The following MACROD2 variants were observed in gnomAD, a reference collection of about 807,000 sequenced individuals.
The protein encoded by MACROD2 is mono-ADP ribosylhydrolase 2.
In MACROD2, 36 loss-of-function variants were observed where a neutral mutation model predicts 70.4. The ratio of observed to expected loss-of-function variants is 0.51; its 90% CI spans 0.39 to 0.68. The LOEUF (loss-of-function observed/expected upper bound fraction) is 0.68. Ranked by LOEUF, MACROD2 falls within the 30% of genes least tolerant of loss-of-function variation. The probability of loss-of-function intolerance (pLI) is 0.00; values close to 1 mark genes in which losing one functional copy is unlikely to be tolerated. For synonymous variants in MACROD2, 172 were observed against 178.8 expected (o/e 0.96, Z 0.30); for missense variants, 496 against 538.4 (o/e 0.92, Z 0.78).
chr20:14,074,758 T>G (rs2053895513), intron 2 of MACROD2, among the ~76,000 whole-genome samples: 1 of 152,194 alleles, frequency 6.6e-6, no homozygotes, highest in Admixed American at 6.5e-5. Context: ...TACAGTAGTC[T>G]CCCCTGATCC....
At chr20:14,436,381 T>C (rs1359648638) in intron 3 of MACROD2, among the ~76,000 whole-genome samples, 1 of 152,186 alleles carries the variant, frequency 6.6e-6, no homozygotes. Flanking sequence ...CTAACTTCTG[T>C]TTCATTTAAC....
intron 3 of MACROD2, among the ~76,000 whole-genome samples, chr20:14,303,414 C>T (rs2082493406): frequency 6.6e-6 from 1 of 152,172 alleles, no homozygotes; most frequent in Non-Finnish European, 1.5e-5. Flanking sequence ...CCCTTAGATC[C>T]TCTCTCTGGG....
intron 4 of MACROD2, among the ~76,000 whole-genome samples, chr20:14,625,330 A>C (rs1984081473): frequency 6.6e-6 from 1 of 152,130 alleles, no homozygotes; most frequent in African/African-American, 2.4e-5. Flanking sequence ...TCAGTCTCAA[A>C]AAAAAGAAGA....
rs1162801079 is a variant in MACROD2 at position 15,245,924 on chromosome 20, T to C, written c.540+15863T>C. The stretch of plus-strand genomic sequence containing the variant: ...ATGTTGTGAGCAAATTTAAAGACAC[T>C]GTGCTTTCAGACAAATTAAGAAGCA... On this transcript the variant is annotated intron_variant, in intron 6 of 17. Coordinates refer to ENST00000684519, the MANE Select transcript of MACROD2 (RefSeq NM_001351661.2). Among the ~76,000 whole-genome samples the C allele has an allele frequency of 2.0e-5, 3 of 152,222 alleles. No homozygotes were observed. The South Asian group carries it at 6.2e-4, about 32-fold the overall frequency.
chr20:15,989,552 G>A (rs2066530112), intron 15 of MACROD2, among the ~76,000 whole-genome samples: 1 of 151,984 alleles, frequency 6.6e-6, no homozygotes, highest in African/African-American at 2.4e-5. Flanking sequence ...ATCCACAAAA[G>A]AAAACTAGTA....
chr20:15,131,622 T>C (rs1455839560), intron 5 of MACROD2, among the ~76,000 whole-genome samples: 2 of 152,070 alleles, frequency 1.3e-5, no homozygotes, highest in Non-Finnish European at 2.9e-5. Context: ...AAAATTATTA[T>C]TAAAAATGTT....
At chr20:15,244,732 A>C (rs11905462) in intron 6 of MACROD2, among the ~76,000 whole-genome samples, 25,967 of 152,222 alleles carry the variant, frequency 0.17, 2,822 homozygotes, top group African/African-American at 0.31. Flanking sequence ...TTACCTAACT[A>C]AACCCTAGTA....
chr20:14,489,542 C>G (rs1483994423), intron 3 of MACROD2, among the ~76,000 whole-genome samples: 1 of 152,120 alleles, frequency 6.6e-6, no homozygotes, highest in African/African-American at 2.4e-5. Flanking sequence ...TTAAATAGAG[C>G]TCCTGGGGAA....
At chr20:15,415,694 G>A (rs6043264) in intron 6 of MACROD2, among the ~76,000 whole-genome samples, 8,416 of 152,120 alleles carry the variant, frequency 0.055, 732 homozygotes, top group African/African-American at 0.19. Flanking sequence ...AACTAGTGGC[G>A]GCTAAAAGTA....
At chr20:14,154,552 A>ATTTTTTTTTTTTTT (rs869299523) in intron 3 of MACROD2, among the ~76,000 whole-genome samples, 13 of 106,640 alleles carry the variant, frequency 1.2e-4, no homozygotes, top group South Asian at 3.1e-4. Context: ...CGCCCGGCTA[A>ATTTTTTTTTTTTTT]TTTTTTTTTT....
At chr20:15,897,338 T>A (rs1186717142) in intron 10 of MACROD2, among the ~76,000 whole-genome samples, 2 of 152,154 alleles carry the variant, frequency 1.3e-5, no homozygotes, top group African/African-American at 4.8e-5. Flanking sequence ...ATCTACTCAT[T>A]ACCTTTTGTG....
At chr20:14,305,788 T>C (rs778733991) in intron 3 of MACROD2, among the ~76,000 whole-genome samples, 3 of 152,146 alleles carry the variant, frequency 2.0e-5, no homozygotes, top group Admixed American at 2.0e-4. Flanking sequence ...GTATCTTTTT[T>C]CGTATCTCAG....
At chr20:15,876,428 A>G (rs1205451804) in intron 9 of MACROD2, among the ~76,000 whole-genome samples, 1 of 151,958 alleles carries the variant, frequency 6.6e-6, no homozygotes, top group East Asian at 1.9e-4. Context: ...CCATGTCCCT[A>G]CAAAGGACAT....
intron 3 of MACROD2, among the ~76,000 whole-genome samples, chr20:14,285,441 T>C (rs117160889): frequency 0.021 from 3,254 of 152,276 alleles, 35 homozygotes; most frequent in East Asian, 0.024. Flanking sequence ...TTCAGATTTT[T>C]AGATTTTTGG....
chr20:15,510,201 T>C (rs926563564), intron 8 of MACROD2, among the ~76,000 whole-genome samples: 1 of 152,216 alleles, frequency 6.6e-6, no homozygotes, highest in Non-Finnish European at 1.5e-5. Context: ...TGTGACATTT[T>C]TATAAATAGA....
At chr20:16,044,332 C>A (rs2067349059) in intron 16 of MACROD2, among the ~76,000 whole-genome samples, 1 of 152,022 alleles carries the variant, frequency 6.6e-6, no homozygotes, top group Admixed American at 6.6e-5. Flanking sequence ...CCAGGCCCCA[C>A]CTCCAACATT....
chr20:15,173,878 G>A (rs2076440609), intron 5 of MACROD2, among the ~76,000 whole-genome samples: 2 of 152,230 alleles, frequency 1.3e-5, no homozygotes, highest in Admixed American at 1.3e-4. Flanking sequence ...ATGAAATGTT[G>A]CATTGTTGAC....
intron 8 of MACROD2, among the ~76,000 whole-genome samples, chr20:15,671,484 A>G (rs1277427170): frequency 1.3e-5 from 2 of 152,190 alleles, no homozygotes; most frequent in Non-Finnish European, 2.9e-5. Context: ...AACAGTGCTA[A>G]TCAAAATTGT....
At chr20:15,261,526 C>T (rs1032452811) in intron 6 of MACROD2, among the ~76,000 whole-genome samples, 8 of 152,020 alleles carry the variant, frequency 5.3e-5, no homozygotes, top group Admixed American at 3.3e-4. Context: ...TGAAAAAAAT[C>T]CACCCAAATC....
Sources: allele counts gnomAD v4.1 joint callset (sites outside exome capture counted in the v4.1 genomes callset), GRCh38; gene constraint gnomAD v4.1.1; transcripts MANE v1.5; gene names NCBI Gene and HGNC (gene_info 2026-07-23, HGNC 2026-07-21).